TULP4: variants seen among roughly 807,000 people sequenced by gnomAD.
TULP4 encodes TUB like protein 4.
In TULP4, 16 loss-of-function variants were observed where a neutral mutation model predicts 129.0. The ratio of observed to expected loss-of-function variants is 0.12; its 90% CI spans 0.08 to 0.19. TULP4 has a LOEUF of 0.19. Among genes scored for constraint, TULP4 ranks in the 10% least tolerant of loss-of-function variants. The pLI is 1.00. For missense variants in TULP4, 1,842 were observed against 2,059.1 expected (o/e 0.89, Z 2.04); for synonymous variants, 998 against 854.0 (o/e 1.17, Z -2.94).
At chr6:158,450,305 G>A (rs550069551) in intron 4 of TULP4, among the ~76,000 whole-genome samples, 2 of 152,286 alleles carry the variant, frequency 1.3e-5, no homozygotes, top group Non-Finnish European at 2.9e-5. Flanking sequence ...GGGGCATGTC[G>A]TCCTGTGAAG....
chr6:158,500,963 GGCAGGAGAATCACTTGAAC>G (rs1337592613), intron 12 of TULP4, among the ~76,000 whole-genome samples: 12 of 152,276 alleles, frequency 7.9e-5, no homozygotes, highest in East Asian at 1.9e-4. Flanking sequence ...GGGAGGCTGA[GGCAGGAGAATCACTTGAAC>G]GCAGGAGAAT....
At chr6:158,386,892 T>G (rs1777461361) in intron 1 of TULP4, among the ~76,000 whole-genome samples, 1 of 152,248 alleles carries the variant, frequency 6.6e-6, no homozygotes, top group African/African-American at 2.4e-5. Context: ...GTACACAGTG[T>G]TAGCTGTTTC....
chr6:158,358,924 G>A (rs1780705506), intron 1 of TULP4, among the ~76,000 whole-genome samples: 1 of 152,124 alleles, frequency 6.6e-6, no homozygotes, highest in African/African-American at 2.4e-5. Flanking sequence ...GGGGCTGGAG[G>A]GCTGAGATTA....
At chr6:158,361,475 G>A (rs1289830121) in intron 1 of TULP4, among the ~76,000 whole-genome samples, 2 of 152,188 alleles carry the variant, frequency 1.3e-5, no homozygotes, top group African/African-American at 2.4e-5. Flanking sequence ...TCAAAAGCCC[G>A]TTTAACCAAT....
chr6:158,256,615 T>C (rs1778249295), intron 1 of TULP4, among the ~76,000 whole-genome samples: 1 of 152,222 alleles, frequency 6.6e-6, no homozygotes, highest in African/African-American at 2.4e-5. Flanking sequence ...AGATTTGATA[T>C]AAGATCTGCT....
Position 158,481,178 on chromosome 6 carries a change from A to G in TULP4, c.1375A>G (p.Thr459Ala). The G allele has an allele frequency of 6.2e-7, 1 of 1,614,238 alleles. No individual in the cohort carries two copies. Among genetic ancestry groups the G allele is most frequent in the East Asian group, 2.2e-5 (1 of 44,886 alleles). The change falls in exon 8 of 14, where the codon ACG becomes GCG. Residue 459 changes from threonine to alanine, a missense_variant. Transcript: ENST00000367097. ...CCCGGAGGTGGGCGGCCCGTGCTAC[A>G]CGCTCTACCTGGAGTACCTGGGCGG... ...DDPEVGGPCY[T>A]LYLEYLGGLV...
intron 1 of TULP4, among the ~76,000 whole-genome samples, chr6:158,378,768 C>T (rs827986): frequency 1.4e-4 from 22 of 151,782 alleles, no homozygotes; most frequent in East Asian, 3.9e-4. Flanking sequence ...TACAGGCATG[C>T]GCTACCGCGC....
chr6:158,440,275 G>A (rs907475357), intron 3 of TULP4, among the ~76,000 whole-genome samples: 5 of 135,368 alleles, frequency 3.7e-5, no homozygotes, highest in African/African-American at 1.4e-4. Context: ...CCATGATTGT[G>A]TCACTGCACT....
intron 1 of TULP4, among the ~76,000 whole-genome samples, chr6:158,360,852 T>C (rs1780770692): frequency 6.6e-6 from 1 of 152,198 alleles, no homozygotes; most frequent in South Asian, 2.1e-4. Flanking sequence ...AATAGCCTGT[T>C]ACTACAGTTA....
In TULP4 at chr6:158,240,480, C is replaced by T. The variant is rs549984314; in HGVS notation, n.68+8177C>T. ...GCTGGCTGGGCGGAAGGCTGACCCC[C>T]CCACCTCCCTCCCGGACAGGGCGGC... On this transcript the variant is annotated intron_variant and non_coding_transcript_variant, in intron 1 of 1. Coordinates refer to the TULP4 transcript ENST00000620026. Among the ~76,000 whole-genome samples, 130 of 88,432 alleles carry T rather than the reference C, an allele frequency of 1.5e-3. 24 individuals are homozygous for T. The highest frequency in any genetic ancestry group is 1.4e-3 in the Non-Finnish European group (53 of 38,930). 58.0% of individuals were successfully genotyped at this position (88,432 alleles called of 152,430 possible).
intron 1 of TULP4, among the ~76,000 whole-genome samples, chr6:158,268,227 C>T (rs999070176): frequency 5.3e-5 from 8 of 151,506 alleles, no homozygotes; most frequent in Non-Finnish European, 7.4e-5. Flanking sequence ...TTAGTGGAGA[C>T]GGAGTTTCTC....
chr6:158,233,155 C>T (rs1777629577), intron 1 of TULP4, among the ~76,000 whole-genome samples: 2 of 152,160 alleles, frequency 1.3e-5, no homozygotes, highest in Admixed American at 6.5e-5. Context: ...CAGCCCTCTC[C>T]GAGGTTGAGG....
rs1162142985 is a variant in TULP4 at position 158,499,226 on chromosome 6, AGT to A, written c.2014+417_2014+418del. On this transcript the variant is annotated intron_variant, in intron 12 of 13. Coordinates refer to ENST00000367097, the MANE Select transcript of TULP4 (RefSeq NM_020245.5). ...TCATCCTTTCAGTCCCTGCTGAGATAGTGTCTCACTCCAGCATTCCCGTGGTG... is the reference window on the plus strand; with the variant it reads ...TCATCCTTTCAGTCCCTGCTGAGATAGTCTCACTCCAGCATTCCCGTGGTG... 3.3e-5 allele frequency among the ~76,000 whole-genome samples: 5 copies of A among 152,164 alleles called. No individual in the cohort carries two copies. The East Asian group carries it at 9.6e-4, about 29-fold the overall frequency.
At chr6:158,396,916 G>T (rs1777730432) in intron 1 of TULP4, among the ~76,000 whole-genome samples, 1 of 152,242 alleles carries the variant, frequency 6.6e-6, no homozygotes, top group Non-Finnish European at 1.5e-5. Context: ...GCAGCTGGAA[G>T]AGGCGGGCTG....
At chr6:158,291,474 G>A (rs1222900242) in intron 1 of TULP4, among the ~76,000 whole-genome samples, 1 of 152,084 alleles carries the variant, frequency 6.6e-6, no homozygotes, top group African/African-American at 2.4e-5. Context: ...TCTTCTCTTG[G>A]TGTTTTTATT....
chr6:158,411,129 A>G (rs75011904), intron 1 of TULP4, among the ~76,000 whole-genome samples: 20 of 151,050 alleles, frequency 1.3e-4, no homozygotes, highest in Non-Finnish European at 2.8e-4. Flanking sequence ...TAAAAGTGAA[A>G]AAAAAAAAAA....
intron 1 of TULP4, among the ~76,000 whole-genome samples, chr6:158,343,934 A>G (rs1780244453): frequency 6.6e-6 from 1 of 152,206 alleles, no homozygotes; most frequent in Non-Finnish European, 1.5e-5. Flanking sequence ...TGTGACCTGC[A>G]CGTATACATC....
chr6:158,494,930 G>T, intron 11 of TULP4, 84 bp downstream of exon 11: 1 of 1,132,146 alleles, frequency 8.8e-7, no homozygotes, highest in Non-Finnish European at 1.3e-6. Flanking sequence ...CTTAAACTAG[G>T]AGATGAACTT....
intron 1 of TULP4, among the ~76,000 whole-genome samples, chr6:158,268,035 C>CTTTTTTTTTTTTTTTTTTTTTTTTT (rs773811376): frequency 2.7e-5 from 2 of 72,770 alleles, no homozygotes; most frequent in South Asian, 4.5e-4. Flanking sequence ...TTTCTTTTTT[C>CTTTTTTTTTTTTTTTTTTTTTTTTT]TTTTTTTTTT....
Sources: allele counts gnomAD v4.1 joint callset (sites outside exome capture counted in the v4.1 genomes callset), GRCh38; gene constraint gnomAD v4.1.1; transcripts MANE v1.5; gene names NCBI Gene and HGNC (gene_info 2026-07-23, HGNC 2026-07-21).